NRG1: variants seen among roughly 807,000 people sequenced by gnomAD.
NRG1 encodes the protein pro-neuregulin-1, membrane-bound isoform.
NRG1 carries 18 observed loss-of-function variants against 63.8 expected under a neutral mutation model. That is an observed-to-expected ratio of 0.28 (90% CI 0.19 to 0.42). The LOEUF is 0.42. Ranked by LOEUF, NRG1 falls within the 10% of genes least tolerant of loss-of-function variation. The pLI, the probability that NRG1 is intolerant of heterozygous loss-of-function variation, is 1.00. For synonymous variants in NRG1, 302 were observed against 301.3 expected (o/e 1.00, Z -0.02); for missense variants, 762 against 814.7 (o/e 0.94, Z 0.79).
intron 1 of NRG1, among the ~76,000 whole-genome samples, chr8:31,741,634 A>C (rs958039573): frequency 2.6e-5 from 4 of 152,068 alleles, no homozygotes; most frequent in African/African-American, 9.7e-5. Context: ...GAACATTCTT[A>C]ATCATGAAAA....
Position 32,225,923 on chromosome 8 carries a change from T to C in NRG1, c.38-369905T>C, listed in dbSNP as rs367568834. Among the ~76,000 whole-genome samples the C allele has an allele frequency of 5.3e-5, 8 of 152,192 alleles. No individual in the cohort carries two copies. In the South Asian group the frequency reaches 8.3e-4, roughly 16 times the overall value. ...TCTTCCTACCTTTAGTCTTTATTTT[T>C]AGCTCTCCTGAGTTTGTAGTTGTTC... On this transcript the variant is annotated intron_variant, in intron 1 of 10. Coordinates refer to the NRG1 transcript ENST00000519301.
At chr8:32,637,497 A>G (rs1851557433) in intron 5 of NRG1, among the ~76,000 whole-genome samples, 1 of 152,112 alleles carries the variant, frequency 6.6e-6, no homozygotes, top group African/African-American at 2.4e-5. Flanking sequence ...CCCCTGTCCC[A>G]GGCTTTTAAT....
intron 1 of NRG1, among the ~76,000 whole-genome samples, chr8:32,090,424 GATTCT>G (rs1828946543): frequency 6.6e-6 from 1 of 152,162 alleles, no homozygotes; most frequent in African/African-American, 2.4e-5. Context: ...AGGTTCAAGT[GATTCT>G]CCTGCCTCAG....
At chr8:31,758,004 G>A (rs536546850) in intron 1 of NRG1, among the ~76,000 whole-genome samples, 2 of 151,936 alleles carry the variant, frequency 1.3e-5, no homozygotes, top group African/African-American at 2.4e-5. Flanking sequence ...AGCTGTTCTC[G>A]AACTTCATAT....
chr8:31,901,446 C>CT (rs1464525960), intron 1 of NRG1, among the ~76,000 whole-genome samples: 1 of 152,168 alleles, frequency 6.6e-6, no homozygotes, highest in African/African-American at 2.4e-5. Context: ...TAATGAAAGG[C>CT]TGCATGACAG....
At chr8:32,481,306 A>G (rs1349182353) in intron 1 of NRG1, among the ~76,000 whole-genome samples, 1 of 152,072 alleles carries the variant, frequency 6.6e-6, no homozygotes. Flanking sequence ...ACCACTGCAC[A>G]CCAGCCTGGG....
chr8:31,983,851 G>A (rs775875322), intron 1 of NRG1, among the ~76,000 whole-genome samples: 15 of 152,108 alleles, frequency 9.9e-5, no homozygotes, highest in African/African-American at 1.7e-4. Flanking sequence ...ACCACAAGTT[G>A]AGTCTTGCTA....
intron 1 of NRG1, among the ~76,000 whole-genome samples, chr8:31,952,421 T>C (rs1314068836): frequency 6.6e-6 from 1 of 152,226 alleles, no homozygotes; most frequent in Non-Finnish European, 1.5e-5. Flanking sequence ...GTTGGGGTGA[T>C]ACAATGAATG....
chr8:32,066,845 G>A lies in NRG1; in HGVS notation c.37+427414G>A, dbSNP rs1470415391. 8.6e-5 allele frequency among the ~76,000 whole-genome samples: 13 copies of A among 151,938 alleles called. No individual in the cohort carries two copies. The South Asian group carries it at 1.3e-3, about 15-fold the overall frequency. On this transcript the variant is annotated intron_variant, in intron 1 of 10. Coordinates refer to the NRG1 transcript ENST00000519301. ...GCATGGAATGTTCTTCCATTTGTTT[G>A]TATCCTCTTTTATTTCGTTGAGCAG...
chr8:31,985,209 GGA>G (rs1327466097), intron 1 of NRG1, among the ~76,000 whole-genome samples: 1 of 152,058 alleles, frequency 6.6e-6, no homozygotes, highest in African/African-American at 2.4e-5. Context: ...AGGAGAAAAA[GGA>G]GAGAGAGGAG....
chr8:32,250,060 T>C (rs553870210), intron 1 of NRG1, among the ~76,000 whole-genome samples: 13 of 152,068 alleles, frequency 8.5e-5, no homozygotes, highest in Non-Finnish European at 1.5e-4. Flanking sequence ...GGTAGAGAGG[T>C]TTCTTAATCA....
chr8:31,875,017 T>G (rs1829794870), intron 1 of NRG1, among the ~76,000 whole-genome samples: 2 of 152,184 alleles, frequency 1.3e-5, no homozygotes, highest in Admixed American at 6.5e-5. Flanking sequence ...GTTCTAGTTG[T>G]CATTTTCATA....
chr8:31,678,199 G>A (rs1807927684), intron 1 of NRG1, among the ~76,000 whole-genome samples: 1 of 151,874 alleles, frequency 6.6e-6, no homozygotes, highest in African/African-American at 2.4e-5. Flanking sequence ...TTTTGTTTTA[G>A]CCTGAAATAA....
intron 1 of NRG1, among the ~76,000 whole-genome samples, chr8:31,922,877 G>GA (rs71987458): frequency 3.3e-5 from 5 of 151,560 alleles, no homozygotes; most frequent in South Asian, 2.1e-4. Context: ...TGGGAAGGAG[G>GA]AAAAAAAAGG....
intron 1 of NRG1, among the ~76,000 whole-genome samples, chr8:32,167,933 G>A (rs1380469805): frequency 6.6e-6 from 1 of 152,172 alleles, no homozygotes; most frequent in Non-Finnish European, 1.5e-5. Flanking sequence ...TATCATCTGT[G>A]AGCAGCTTGC....
In NRG1 at chr8:31,927,691, G is replaced by A. The variant is rs571650191; in HGVS notation, c.37+288260G>A. Reference sequence around the variant, plus strand: ...TCTCGATCTCCTGACCTCGTGATCCGCCCGCCTCGGCCTCCCAAAGTGCTG... The same window carrying A: ...TCTCGATCTCCTGACCTCGTGATCCACCCGCCTCGGCCTCCCAAAGTGCTG... On this transcript the variant is annotated intron_variant, in intron 1 of 10. Transcript: ENST00000519301. 5.0e-3 allele frequency among the ~76,000 whole-genome samples: 743 copies of A among 148,354 alleles called. 3 individuals are homozygous for A. The highest frequency in any genetic ancestry group is 0.026 in the South Asian group (124 of 4,766).
chr8:31,759,243 T>C (rs1351651019), intron 1 of NRG1, among the ~76,000 whole-genome samples: 1 of 152,148 alleles, frequency 6.6e-6, no homozygotes, highest in African/African-American at 2.4e-5. Context: ...TTTAAAATAT[T>C]GATAAACCCT....
At chr8:32,060,583 G>A (rs935999991) in intron 1 of NRG1, among the ~76,000 whole-genome samples, 1 of 151,818 alleles carries the variant, frequency 6.6e-6, no homozygotes, top group Non-Finnish European at 1.5e-5. Flanking sequence ...TTTCTTGGAT[G>A]ATTATTATTA....
At chr8:32,763,399 C>G in intron 11 of NRG1, 14 of 1,604,530 alleles carry the variant, frequency 8.7e-6, no homozygotes, top group Non-Finnish European at 1.2e-5. Flanking sequence ...TTCCGAATCC[C>G]TGAGCCTTGG....
Sources: allele counts gnomAD v4.1 joint callset (sites outside exome capture counted in the v4.1 genomes callset), GRCh38; gene constraint gnomAD v4.1.1; transcripts MANE v1.5; gene names NCBI Gene and HGNC (gene_info 2026-07-23, HGNC 2026-07-21).